RHOT1: variants seen among roughly 807,000 people sequenced by gnomAD.
RHOT1 encodes the protein ras homolog family member T1.
RHOT1 carries 27 observed loss-of-function variants against 95.3 expected under a neutral mutation model. That is an observed-to-expected ratio of 0.28 (90% confidence interval 0.21 to 0.39). The LOEUF (loss-of-function observed/expected upper bound fraction) is 0.39. RHOT1 is among the 10% of genes least tolerant of loss of function. The probability of loss-of-function intolerance (pLI) is 1.00; values close to 1 mark genes in which losing one functional copy is unlikely to be tolerated. For missense variants in RHOT1, 578 were observed against 786.7 expected, an observed-to-expected ratio of 0.73 and a Z score of 3.17; for synonymous variants, 227 against 263.5, an observed-to-expected ratio of 0.86 and a Z score of 1.34.
At position 32,192,643 on chromosome 17, in the gene RHOT1, T is replaced by G. The variant is rs114736260; in HGVS notation, c.639+344T>G. ...GATGGAGGGAGTTGGGAATGTTTCTTTCTAAGAATGACATGTTTTACTTTT... is the reference window on the plus strand; with the variant it reads ...GATGGAGGGAGTTGGGAATGTTTCTGTCTAAGAATGACATGTTTTACTTTT... On this transcript the variant is annotated intron_variant, in intron 9 of 19. Coordinates refer to ENST00000545287, the MANE Select transcript of RHOT1 (RefSeq NM_001033566.3). 3.4e-3 allele frequency among the ~76,000 whole-genome samples: 516 copies of G among 151,866 alleles called. 3 individuals are homozygous for G. The highest frequency in any genetic ancestry group is 0.012 in the African/African-American group (481 of 41,466).
intron 1 of RHOT1, among the ~76,000 whole-genome samples, chr17:32,153,380 TG>T (rs1211144102): frequency 1.3e-5 from 2 of 152,216 alleles, no homozygotes; most frequent in Non-Finnish European, 2.9e-5. Context: ...TCCAGGTAGC[TG>T]GGCTCTGTGG....
chr17:32,165,066 C>T (rs564720597), intron 1 of RHOT1, among the ~76,000 whole-genome samples: 27 of 150,794 alleles, frequency 1.8e-4, no homozygotes, highest in Middle Eastern at 3.5e-3. Context: ...CGGGCGTGGG[C>T]GTGGTGGCTT....
At chr17:32,211,046 TGGCA>T in intron 18 of RHOT1, 66 bp from the exon 19 acceptor site, 1 of 1,464,108 alleles carries the variant, frequency 6.8e-7, no homozygotes, top group Admixed American at 2.1e-5. Flanking sequence ...TTTTTTAAGT[TGGCA>T]CACCCTGACT....
intron 1 of RHOT1, chr17:32,151,036 A>G (rs2032220243): frequency 6.9e-7 from 1 of 1,442,748 alleles, no homozygotes; most frequent in Non-Finnish European, 9.6e-7. Context: ...GGAAGAGGGG[A>G]GATTGTGGTC....
intron 8 of RHOT1, among the ~76,000 whole-genome samples, chr17:32,186,965 T>A (rs893812106): frequency 3.9e-4 from 60 of 152,210 alleles, no homozygotes; most frequent in Non-Finnish European, 7.9e-4. Flanking sequence ...TGTCTTTTTT[T>A]AAATTATTAT....
At chr17:32,189,293 CCCCACCTCAAGA>C (rs2036287700) in intron 8 of RHOT1, among the ~76,000 whole-genome samples, 1 of 152,080 alleles carries the variant, frequency 6.6e-6, no homozygotes, top group Non-Finnish European at 1.5e-5. Context: ...AGCGAGGAGA[CCCCACCTCAAGA>C]AAAAAACAAA....
intron 1 of RHOT1, among the ~76,000 whole-genome samples, chr17:32,145,282 A>T (rs1421558411): frequency 6.6e-6 from 1 of 152,236 alleles, no homozygotes; most frequent in Non-Finnish European, 1.5e-5. Flanking sequence ...CCTGGGGGAC[A>T]GAGTGAGACT....
intron 19 of RHOT1, 131 bp from the exon 20 acceptor site, chr17:32,224,485 G>A (rs2142978998): frequency 2.0e-6 from 1 of 503,620 alleles, no homozygotes; most frequent in African/African-American, 1.9e-5. Flanking sequence ...CAATGTTTTT[G>A]ATAAGCATTA....
At chr17:32,190,833 T>C (rs1466659420) in intron 8 of RHOT1, among the ~76,000 whole-genome samples, 1 of 152,158 alleles carries the variant, frequency 6.6e-6, no homozygotes, top group African/African-American at 2.4e-5. Flanking sequence ...TCTTTCTTTG[T>C]CTCCCAGACT....
At chr17:32,211,919 A>T (rs1010445181) in intron 19 of RHOT1, among the ~76,000 whole-genome samples, 1 of 152,206 alleles carries the variant, frequency 6.6e-6, no homozygotes, top group Non-Finnish European at 1.5e-5. Flanking sequence ...AAGAGAAAAA[A>T]AAAGGATGCA....
At position 32,194,052 on chromosome 17, in the gene RHOT1, C is replaced by A; in HGVS notation, c.814C>A (p.Arg272=). The change falls in exon 11 of 20, where the codon CGA becomes AGA. Residue 272 remains arginine (R), a synonymous_variant. Transcript: ENST00000545287. ...ACACGAAACTACTTGGACTGTGCTT[C>A]GACGATTTGGTTATGATGATGACCT... The part of the protein sequence containing the change: ...GRHETTWTVL[R]RFGYDDDLDL... 6.2e-7 allele frequency: 1 copy of A among 1,614,070 alleles called. No homozygotes were observed. Among genetic ancestry groups the A allele is most frequent in the Non-Finnish European group, 8.5e-7 (1 of 1,180,016 alleles).
intron 5 of RHOT1, 62 bp from the exon 6 acceptor site, chr17:32,176,098 TA>T: frequency 6.3e-7 from 1 of 1,586,430 alleles, no homozygotes; most frequent in Non-Finnish European, 8.6e-7. Context: ...TTTAGGGGTC[TA>T]AGGGAAGAGT....
At chr17:32,151,503 T>C in intron 1 of RHOT1, 1 of 601,938 alleles carries the variant, frequency 1.7e-6, no homozygotes, top group Admixed American at 2.6e-5. Context: ...ATTCTGTTCA[T>C]CATGGTTTCT....
At chr17:32,199,667 C>A in intron 13 of RHOT1, 117 bp downstream of exon 13, 1 of 786,520 alleles carries the variant, frequency 1.3e-6, no homozygotes, top group Non-Finnish European at 1.9e-6. Flanking sequence ...ATCATAATTG[C>A]CTCTAAGCAA....
intron 11 of RHOT1, 71 bp downstream of exon 11, chr17:32,194,178 C>T: frequency 6.6e-7 from 1 of 1,524,300 alleles, no homozygotes; most frequent in Non-Finnish European, 9.0e-7. Context: ...CACTATGTTT[C>T]CCAGGCTGGT....
At chr17:32,174,175 G>A (rs1262521633) in intron 3 of RHOT1, among the ~76,000 whole-genome samples, 2 of 152,132 alleles carry the variant, frequency 1.3e-5, no homozygotes, top group Non-Finnish European at 2.9e-5. Flanking sequence ...AAATGTGACT[G>A]TTCTAAATGA....
intron 19 of RHOT1, among the ~76,000 whole-genome samples, chr17:32,214,356 A>G (rs1286413583): frequency 1.3e-5 from 2 of 152,224 alleles, no homozygotes; most frequent in Non-Finnish European, 2.9e-5. Context: ...TGGTTTTACA[A>G]GAGACTGGAA....
At chr17:32,150,528 G>A in intron 1 of RHOT1, 2 of 1,480,728 alleles carry the variant, frequency 1.4e-6, no homozygotes, top group Non-Finnish European at 1.9e-6. Context: ...TACTGGGCCA[G>A]GTTTGTGTGG....
intron 1 of RHOT1, among the ~76,000 whole-genome samples, chr17:32,148,827 G>A (rs960153085): frequency 6.6e-6 from 1 of 152,230 alleles, no homozygotes; most frequent in Admixed American, 6.5e-5. Context: ...TGGAACCAGA[G>A]AATGTTATTT....
Sources: allele counts gnomAD v4.1 joint callset (sites outside exome capture counted in the v4.1 genomes callset), GRCh38; gene constraint gnomAD v4.1.1; transcripts MANE v1.5; gene names NCBI Gene and HGNC (gene_info 2026-07-23, HGNC 2026-07-21).